ZNF385C: variants seen among roughly 807,000 people sequenced by gnomAD.
ZNF385C encodes the protein CTD-2132N18.2.
A neutral mutation model predicts 35.4 loss-of-function variants in ZNF385C; 28 were observed. That is an observed-to-expected ratio of 0.79 (90% CI 0.59 to 1.08). The LOEUF (loss-of-function observed/expected upper bound fraction) is 1.08, where lower values mean the gene tolerates loss of function less well. Among genes scored for constraint, ZNF385C ranks in the 50% least tolerant of loss-of-function variants. The pLI is 0.00. For missense variants in ZNF385C, 605 were observed against 595.6 expected (o/e 1.02, Z -0.16); for synonymous variants, 248 against 248.2 (o/e 1.00, Z 0.01).
chr17:42,066,657 A>G (rs1157895202), intron 1 of ZNF385C, among the ~76,000 whole-genome samples: 1 of 152,184 alleles, frequency 6.6e-6, no homozygotes, highest in African/African-American at 2.4e-5. Flanking sequence ...CCTAATCCCC[A>G]GCACTTCCAG....
chr17:42,043,260 C>T, intron 2 of ZNF385C: 1 of 1,232,282 alleles, frequency 8.1e-7, no homozygotes, highest in Non-Finnish European at 1.0e-6. Flanking sequence ...TCAGCTTCCG[C>T]TCATAGTCAA....
At chr17:42,088,769 A>G (rs575630530) in intron 1 of ZNF385C, among the ~76,000 whole-genome samples, 59 of 152,344 alleles carry the variant, frequency 3.9e-4, no homozygotes, top group South Asian at 1.0e-3. Flanking sequence ...CAGCAAGGGC[A>G]TTCTGCATGT....
At chr17:42,041,897 A>C (rs868986062) in intron 2 of ZNF385C, among the ~76,000 whole-genome samples, 4 of 152,168 alleles carry the variant, frequency 2.6e-5, no homozygotes, top group African/African-American at 9.7e-5. Flanking sequence ...GCCAGAGGGA[A>C]CACCCTGCTC....
intron 1 of ZNF385C, among the ~76,000 whole-genome samples, chr17:42,079,200 AAAAATATATATATATATACAT>A (rs1194294673): frequency 7.7e-5 from 9 of 116,912 alleles, no homozygotes; most frequent in African/African-American, 2.2e-4. Context: ...AAAAAAAAAA[AAAAATATATATATATATACAT>A]ATATATATAT....
intron 1 of ZNF385C, among the ~76,000 whole-genome samples, chr17:42,087,401 C>T (rs936879430): frequency 1.3e-5 from 2 of 152,200 alleles, no homozygotes; most frequent in Non-Finnish European, 2.9e-5. Context: ...CTTTTAAATA[C>T]AACCAGGCAG....
intron 1 of ZNF385C, chr17:42,065,269 G>T (rs570652449): frequency 6.6e-6 from 1 of 152,336 alleles, no homozygotes; most frequent in African/African-American, 2.4e-5. Context: ...CTGACACCTT[G>T]ATCTTGGACT....
intron 2 of ZNF385C, among the ~76,000 whole-genome samples, chr17:42,045,206 C>T (rs577526225): frequency 2.4e-4 from 37 of 152,222 alleles, no homozygotes; most frequent in Non-Finnish European, 4.4e-4. Flanking sequence ...CGTGAGCCAC[C>T]GCGCCCAGCC....
At chr17:42,084,872 C>T (rs548311106) in intron 1 of ZNF385C, among the ~76,000 whole-genome samples, 8 of 152,306 alleles carry the variant, frequency 5.3e-5, no homozygotes, top group Admixed American at 2.6e-4. Context: ...CCACCTCAGC[C>T]TCCCAGAGTG....
At chr17:42,071,881 G>A (rs2143899288) in intron 1 of ZNF385C, among the ~76,000 whole-genome samples, 1 of 152,338 alleles carries the variant, frequency 6.6e-6, no homozygotes, top group Non-Finnish European at 1.5e-5. Context: ...AGTCAGGGCA[G>A]GAGCCTAAGT....
rs117068002 is a variant in ZNF385C at position 42,037,141 on chromosome 17, C to T, written c.399+596G>A. Among the ~76,000 whole-genome samples, 750 of 152,124 alleles carry T rather than the reference C, an allele frequency of 4.9e-3. 9 individuals carry two copies. The highest frequency in any genetic ancestry group is 5.1e-3 in the Non-Finnish European group (345 of 67,998). On this transcript the variant is annotated intron_variant, in intron 3 of 8. Coordinates refer to ENST00000692273, the MANE Select transcript of ZNF385C (RefSeq NM_001392013.1). ...CAAAGGGCACATGACCACAGGTAAA[C>T]TCACAATCACCCAAGCCACACAAAA...
intron 3 of ZNF385C, among the ~76,000 whole-genome samples, chr17:42,035,815 A>G (rs1212890798): frequency 4.0e-5 from 6 of 151,874 alleles, no homozygotes; most frequent in Non-Finnish European, 8.8e-5. Context: ...TGGCCTCCCA[A>G]TGTGCTGGAA....
intron 1 of ZNF385C, among the ~76,000 whole-genome samples, chr17:42,067,070 GA>G (rs1303879897): frequency 4.3e-4 from 59 of 136,966 alleles, no homozygotes; most frequent in South Asian, 2.9e-3. Context: ...CTCCGTCTCA[GA>G]AAAAAAAAAA....
intron 1 of ZNF385C, among the ~76,000 whole-genome samples, chr17:42,097,852 C>T (rs1287555985): frequency 2.6e-5 from 4 of 152,214 alleles, no homozygotes; most frequent in Non-Finnish European, 4.4e-5. Context: ...TTCCGGGTTC[C>T]CTAGGCCATC....
At chr17:42,029,327 C>T (rs1567983218) in intron 5 of ZNF385C, among the ~76,000 whole-genome samples, 3 of 152,084 alleles carry the variant, frequency 2.0e-5, no homozygotes, top group Non-Finnish European at 2.9e-5. Context: ...CAGAGATCAC[C>T]AAAAAAGATG....
chr17:42,037,048 C>T (rs1018852098), intron 3 of ZNF385C, among the ~76,000 whole-genome samples: 2 of 152,158 alleles, frequency 1.3e-5, no homozygotes, highest in Non-Finnish European at 2.9e-5. Context: ...CTAGGACACA[C>T]ACACAGCACA....
chr17:42,072,588 C>G (rs1555658944), intron 1 of ZNF385C, among the ~76,000 whole-genome samples: 2 of 152,000 alleles, frequency 1.3e-5, no homozygotes, highest in Non-Finnish European at 2.9e-5. Context: ...ACAAACCCGG[C>G]TGCGTCCAGC....
intron 1 of ZNF385C, among the ~76,000 whole-genome samples, chr17:42,063,800 G>A (rs1163235785): frequency 6.6e-6 from 1 of 152,184 alleles, no homozygotes; most frequent in East Asian, 1.9e-4. Context: ...TGACAGCCAG[G>A]CATGTGGCGC....
At chr17:42,040,022 G>A (rs1018084554) in intron 2 of ZNF385C, 38 of 1,230,964 alleles carry the variant, frequency 3.1e-5, no homozygotes, top group Admixed American at 4.2e-5. Context: ...AGCCGCCCAA[G>A]GCCGAATACT....
chr17:42,049,777 C>G (rs2053244861), intron 2 of ZNF385C, among the ~76,000 whole-genome samples: 1 of 152,226 alleles, frequency 6.6e-6, no homozygotes, highest in Non-Finnish European at 1.5e-5. Context: ...GGTGGAGATT[C>G]TAAAACGGCT....
Sources: gnomAD v4.1 joint callset for allele counts (sites outside exome capture counted in the v4.1 genomes callset) on GRCh38, gnomAD v4.1.1 for gene constraint, MANE v1.5 for transcripts, NCBI Gene and HGNC (gene_info 2026-07-23, HGNC 2026-07-21) for gene names.